C7orf78: variants seen among roughly 807,000 people sequenced by gnomAD.
C7orf78 encodes chromosome 7 open reading frame 78.
the C7orf78 span, among the ~76,000 whole-genome samples, chr7:12,517,373 C>G: frequency 6.6e-6 from 1 of 152,222 alleles, no homozygotes; most frequent in African/African-American, 2.4e-5. Context: ...TTCTCAGTCT[C>G]AAGTATGTTT....
chr7:12,490,155 G>T, the C7orf78 span, among the ~76,000 whole-genome samples: 2 of 152,046 alleles, frequency 1.3e-5, no homozygotes, highest in Non-Finnish European at 1.5e-5. Context: ...CAGGAACTTA[G>T]CACTTTGAGC....
chr7:12,497,904 C>T, the C7orf78 span, among the ~76,000 whole-genome samples: 2 of 149,220 alleles, frequency 1.3e-5, no homozygotes, highest in Non-Finnish European at 3.0e-5. Flanking sequence ...GGCAGACTGC[C>T]TCCTCAAGTG....
the C7orf78 span, among the ~76,000 whole-genome samples, chr7:12,539,541 G>A: frequency 4.6e-5 from 7 of 152,176 alleles, no homozygotes; most frequent in African/African-American, 1.7e-4. Flanking sequence ...GAGGGTGAGA[G>A]TAGTTGGTCT....
chr7:12,516,377 T>C, the C7orf78 span, among the ~76,000 whole-genome samples: 1 of 152,176 alleles, frequency 6.6e-6, no homozygotes, highest in Non-Finnish European at 1.5e-5. Flanking sequence ...TGTGTGAAAA[T>C]GCATGAATGC....
chr7:12,525,156 C>A, the C7orf78 span, among the ~76,000 whole-genome samples: 1 of 152,044 alleles, frequency 6.6e-6, no homozygotes, highest in East Asian at 1.9e-4. Flanking sequence ...AAGAATATAA[C>A]CCTGTTTAAT....
the C7orf78 span, among the ~76,000 whole-genome samples, chr7:12,527,623 A>G: frequency 1.5e-5 from 2 of 131,434 alleles, no homozygotes; most frequent in East Asian, 2.4e-4. Flanking sequence ...AATGCCATCT[A>G]GCTGTGTAAT....
At chr7:12,492,820 T>C in the C7orf78 span, among the ~76,000 whole-genome samples, 2 of 152,262 alleles carry the variant, frequency 1.3e-5, no homozygotes, top group African/African-American at 4.8e-5. Flanking sequence ...GTGAACTGAT[T>C]CTGCTCTTTA....
At chr7:12,534,005 G>C in the C7orf78 span, among the ~76,000 whole-genome samples, 1 of 152,166 alleles carries the variant, frequency 6.6e-6, no homozygotes, top group East Asian at 1.9e-4. Flanking sequence ...TGAAGTTGTA[G>C]TTCCTCTTAT....
the C7orf78 span, among the ~76,000 whole-genome samples, chr7:12,499,138 A>G: frequency 6.6e-6 from 1 of 152,334 alleles, no homozygotes; most frequent in Admixed American, 6.5e-5. Flanking sequence ...TCATGCCAAA[A>G]TGTAACAACC....
At chr7:12,515,789 C>T in the C7orf78 span, among the ~76,000 whole-genome samples, 1 of 152,108 alleles carries the variant, frequency 6.6e-6, no homozygotes, top group Non-Finnish European at 1.5e-5. Flanking sequence ...CATTTTGCTC[C>T]TGCCCTAGAG....
the C7orf78 span, among the ~76,000 whole-genome samples, chr7:12,538,956 G>T: frequency 6.6e-6 from 1 of 152,100 alleles, no homozygotes; most frequent in Non-Finnish European, 1.5e-5. Context: ...CTCCACAGGT[G>T]GCCTCTGCAG....
the C7orf78 span, chr7:12,529,039 T>C: frequency 7.5e-6 from 3 of 398,380 alleles, no homozygotes; most frequent in Middle Eastern, 6.2e-4. Context: ...ATCTGCTTCA[T>C]ATACAGTGAG....
the C7orf78 span, among the ~76,000 whole-genome samples, chr7:12,519,585 T>C: frequency 6.6e-6 from 1 of 152,258 alleles, no homozygotes; most frequent in Admixed American, 6.5e-5. Context: ...CCAAGTACAA[T>C]ATGTGACACA....
chr7:12,486,008 G>C, the C7orf78 span, among the ~76,000 whole-genome samples: 1 of 152,096 alleles, frequency 6.6e-6, no homozygotes, highest in Non-Finnish European at 1.5e-5. Context: ...TATCTCCACT[G>C]ATTCAAGGTT....
the C7orf78 span, chr7:12,525,886 T>C: frequency 2.5e-6 from 1 of 396,970 alleles, no homozygotes; most frequent in Non-Finnish European, 4.4e-6. Context: ...AAAATTTAAA[T>C]CACAACACTT....
the C7orf78 span, among the ~76,000 whole-genome samples, chr7:12,514,915 T>G: frequency 1.3e-5 from 2 of 151,618 alleles, no homozygotes; most frequent in African/African-American, 4.9e-5. Flanking sequence ...GTGATAGGAT[T>G]TTTTCTTTTA....
chr7:12,497,130 G>C, the C7orf78 span, among the ~76,000 whole-genome samples: 1 of 152,316 alleles, frequency 6.6e-6, no homozygotes, highest in East Asian at 1.9e-4. Context: ...CCAAGTCATA[G>C]GAGATTTTGG....
the C7orf78 span, among the ~76,000 whole-genome samples, chr7:12,489,801 T>TA: frequency 7.2e-5 from 11 of 152,116 alleles, 1 homozygote; most frequent in Admixed American, 2.6e-4. Flanking sequence ...TATTGCTGCA[T>TA]TTTGGACAGC....
chr7:12,506,643 G>A, the C7orf78 span, among the ~76,000 whole-genome samples: 1 of 152,206 alleles, frequency 6.6e-6, no homozygotes, highest in Admixed American at 6.5e-5. Flanking sequence ...GCCTGTCATG[G>A]GGTGGGAGGC....
Sources: allele counts gnomAD v4.1 joint callset (sites outside exome capture counted in the v4.1 genomes callset), GRCh38; gene constraint gnomAD v4.1.1; transcripts MANE v1.5; gene names NCBI Gene and HGNC (gene_info 2026-07-23, HGNC 2026-07-21).